Variants in ETV6 observed in about 807,000 individuals in gnomAD.
The protein encoded by ETV6 is transcription factor ETV6.
In ETV6, 16 loss-of-function variants were observed where a neutral mutation model predicts 51.1. That is an observed-to-expected ratio of 0.31 (90% CI 0.21 to 0.48). The LOEUF (loss-of-function observed/expected upper bound fraction) is 0.48, where lower values mean the gene tolerates loss of function less well. Among genes scored for constraint, ETV6 ranks in the 20% least tolerant of loss-of-function variants. The pLI is 0.99. For missense variants in ETV6, 458 were observed against 594.8 expected, an observed-to-expected ratio of 0.77 and a Z score of 2.39; for synonymous variants, 240 against 224.1, an observed-to-expected ratio of 1.07 and a Z score of -0.64.
In ETV6 at chr12:11,665,335, ATCT is replaced by A. The variant is rs1864174579; in HGVS notation, c.33+15180_33+15182del. Among the ~76,000 whole-genome samples, 2 of 152,156 alleles carry A rather than the reference ATCT, an allele frequency of 1.3e-5. 1 individual carries two copies. Among genetic ancestry groups the A allele is most frequent in the South Asian group, 4.1e-4 (2 of 4,834 alleles). ...CATTTATGCCTGGAATCTTCCCTCG[ATCT>A]TCTTTCTGCCTGGCAGCCAATTTGT... On this transcript the variant is annotated intron_variant, in intron 1 of 7. Transcript: ENST00000396373.
At chr12:11,868,338 C>T (rs1047247250) in intron 4 of ETV6, among the ~76,000 whole-genome samples, 11 of 151,946 alleles carry the variant, frequency 7.2e-5, no homozygotes, top group Admixed American at 2.0e-4. Context: ...AACTTCTTTA[C>T]GCCTCAGTTT....
At chr12:11,821,453 G>A (rs966916705) in intron 2 of ETV6, among the ~76,000 whole-genome samples, 1 of 152,190 alleles carries the variant, frequency 6.6e-6, no homozygotes, top group African/African-American at 2.4e-5. Context: ...CCTTCTCTGT[G>A]ATGGGAAAGA....
At chr12:11,654,270 A>G (rs1335753304) in intron 1 of ETV6, among the ~76,000 whole-genome samples, 1 of 152,178 alleles carries the variant, frequency 6.6e-6, no homozygotes, top group Non-Finnish European at 1.5e-5. Flanking sequence ...TTTTTCTGAC[A>G]ATAGAATCAG....
At chr12:11,771,810 T>C (rs933222746) in intron 2 of ETV6, among the ~76,000 whole-genome samples, 3 of 152,206 alleles carry the variant, frequency 2.0e-5, no homozygotes, top group Non-Finnish European at 2.9e-5. Flanking sequence ...ACTAAATTCA[T>C]ACAAAGTTTA....
rs1238979574 is a variant in ETV6 at position 11,891,452 on chromosome 12, A to G, written c.*406A>G. On this transcript the variant is annotated 3_prime_UTR_variant, in exon 8 of 8. Transcript: ENST00000396373. ...TGATGTTGTTTTCCTATGGAAATAT[A>G]TATCTATTATATATATATTTTTTGC... 10 of 386,412 alleles carry G rather than the reference A, an allele frequency of 2.6e-5. No homozygotes were observed. The highest frequency in any genetic ancestry group is 9.6e-6 in the Non-Finnish European group (2 of 208,074). 23.9% of individuals were successfully genotyped at this position (386,412 alleles called of 1,614,324 possible).
intron 2 of ETV6, among the ~76,000 whole-genome samples, chr12:11,773,442 G>A (rs949668951): frequency 4.6e-5 from 7 of 152,160 alleles, no homozygotes; most frequent in African/African-American, 1.4e-4. Flanking sequence ...TTGAATTTGA[G>A]AACATGGTTT....
intron 2 of ETV6, among the ~76,000 whole-genome samples, chr12:11,779,050 T>A (rs1000633368): frequency 6.6e-6 from 1 of 152,246 alleles, no homozygotes; most frequent in African/African-American, 2.4e-5. Context: ...CCCTGAATAC[T>A]TCAGAGCCAG....
intron 2 of ETV6, among the ~76,000 whole-genome samples, chr12:11,798,197 T>C (rs1046443266): frequency 1.3e-5 from 2 of 151,980 alleles, no homozygotes; most frequent in African/African-American, 4.8e-5. Flanking sequence ...GTGATTGGAG[T>C]GTGTTTCATG....
intron 5 of ETV6, among the ~76,000 whole-genome samples, chr12:11,878,436 C>A (rs1022762790): frequency 6.6e-6 from 1 of 152,130 alleles, no homozygotes; most frequent in African/African-American, 2.4e-5. Context: ...CAGGCTGCAC[C>A]CACACCTGAG....
chr12:11,733,362 C>T (rs1292286486), intron 1 of ETV6, among the ~76,000 whole-genome samples: 7 of 140,600 alleles, frequency 5.0e-5, no homozygotes, highest in Admixed American at 2.3e-4. Flanking sequence ...GAGCCGAGAT[C>T]GCACCACTGC....
At position 11,797,746 on chromosome 12, in the gene ETV6, C is replaced by T. The variant is rs537629816; in HGVS notation, c.164-41394C>T. ...AAGCCTAACTGGAAAGGTTCTGGGC[C>T]GTAGGGGCAGACAGCCAAGCATCTC... On this transcript the variant is annotated intron_variant, in intron 2 of 7. Coordinates refer to ENST00000396373, the MANE Select transcript of ETV6 (RefSeq NM_001987.5). Among the ~76,000 whole-genome samples, 243 of 152,152 alleles carry T rather than the reference C, an allele frequency of 1.6e-3. 1 individual carries two copies. The highest frequency in any genetic ancestry group is 3.0e-3 in the Non-Finnish European group (205 of 67,996).
chr12:11,655,435 G>T (rs189513990), intron 1 of ETV6, among the ~76,000 whole-genome samples: 5 of 152,140 alleles, frequency 3.3e-5, no homozygotes, highest in Non-Finnish European at 7.4e-5. Context: ...TAGTATTTGG[G>T]GACAGAAAGA....
chr12:11,712,660 G>GT (rs754673550), intron 1 of ETV6, among the ~76,000 whole-genome samples: 6 of 152,168 alleles, frequency 3.9e-5, no homozygotes, highest in African/African-American at 7.2e-5. Flanking sequence ...GGAGACCCAA[G>GT]TTTTTTTCTC....
At chr12:11,840,745 T>C (rs922978519) in intron 3 of ETV6, 11 of 319,152 alleles carry the variant, frequency 3.4e-5, no homozygotes, top group Non-Finnish European at 5.6e-5. Context: ...ATCTTCAAAA[T>C]TGAGTAATTT....
intron 1 of ETV6, among the ~76,000 whole-genome samples, chr12:11,719,847 T>C (rs781550792): frequency 8.5e-5 from 13 of 152,202 alleles, no homozygotes; most frequent in Non-Finnish European, 1.6e-4. Flanking sequence ...ACTGGCTCTT[T>C]CAGCCACTTC....
chr12:11,657,223 T>A (rs917895367), intron 1 of ETV6, among the ~76,000 whole-genome samples: 2 of 152,072 alleles, frequency 1.3e-5, no homozygotes, highest in African/African-American at 4.8e-5. Flanking sequence ...GGAAACTGAG[T>A]CTTGTGGCGT....
chr12:11,816,958 G>A (rs1268690852), intron 2 of ETV6, among the ~76,000 whole-genome samples: 1 of 152,210 alleles, frequency 6.6e-6, no homozygotes, highest in East Asian at 1.9e-4. Context: ...GATAGCACAT[G>A]CCATTACCAT....
chr12:11,885,698 G>A (rs1206055755), intron 6 of ETV6, among the ~76,000 whole-genome samples: 1 of 152,170 alleles, frequency 6.6e-6, no homozygotes, highest in Non-Finnish European at 1.5e-5. Flanking sequence ...TCGGACAAAG[G>A]GTGATTCACC....
At chr12:11,847,043 C>T (rs1055293310) in intron 3 of ETV6, among the ~76,000 whole-genome samples, 4 of 151,992 alleles carry the variant, frequency 2.6e-5, no homozygotes, top group Non-Finnish European at 5.9e-5. Flanking sequence ...CAAGGTGCGG[C>T]GGTGAAAAGT....
Sources: allele counts gnomAD v4.1 joint callset (sites outside exome capture counted in the v4.1 genomes callset), GRCh38; gene constraint gnomAD v4.1.1; transcripts MANE v1.5; gene names NCBI Gene and HGNC (gene_info 2026-07-23, HGNC 2026-07-21).